AEBP2: variants seen among roughly 807,000 people sequenced by gnomAD.
AEBP2 encodes zinc finger protein AEBP2.
In AEBP2, 10 loss-of-function variants were observed where a neutral mutation model predicts 50.8. That is an observed-to-expected ratio of 0.20 (90% confidence interval 0.12 to 0.33). The LOEUF is 0.33. Among genes scored for constraint, AEBP2 ranks in the 10% least tolerant of loss-of-function variants. The pLI is 1.00. For synonymous variants in AEBP2, 296 were observed against 261.3 expected (o/e 1.13, Z -1.28); for missense variants, 570 against 688.0 (o/e 0.83, Z 1.92).
At chr12:19,414,544 T>TCTCA (rs1377950207) in intron 1 of AEBP2, among the ~76,000 whole-genome samples, 1 of 152,144 alleles carries the variant, frequency 6.6e-6, no homozygotes, top group Non-Finnish European at 1.5e-5. Flanking sequence ...GAGGCATCAC[T>TCTCA]CTCAACATGG....
Position 19,521,071 on chromosome 12 carries a change from A to T in AEBP2, c.*2954A>T, listed in dbSNP as rs553106103. 8 of 151,580 alleles carry T rather than the reference A, an allele frequency of 5.3e-5. No homozygotes were observed. The highest frequency in any genetic ancestry group is 1.9e-4 in the African/African-American group (8 of 41,432). The allele number at this position is 151,580 out of a possible 1,614,324, so 9.4% of individuals were successfully genotyped here. ...GTATATGCAGATACTCAAAAATCTG[A>T]AAAAAATCAAAAATCTGAAATACTT... On this transcript the variant is annotated 3_prime_UTR_variant, in exon 8 of 8. Coordinates refer to ENST00000266508, the MANE Select transcript of AEBP2 (RefSeq NM_153207.5).
chr12:19,482,985 G>T (rs1353286943), intron 3 of AEBP2, among the ~76,000 whole-genome samples: 3 of 152,118 alleles, frequency 2.0e-5, no homozygotes, highest in Non-Finnish European at 4.4e-5. Context: ...TGCTGAGAAA[G>T]CAAGGCCTTC....
chr12:19,499,022 A>T (rs1592771402), intron 4 of AEBP2, among the ~76,000 whole-genome samples: 1 of 152,184 alleles, frequency 6.6e-6, no homozygotes, highest in African/African-American at 2.4e-5. Context: ...TGTCTAAAAG[A>T]AAAAGAAAAA....
intron 1 of AEBP2, among the ~76,000 whole-genome samples, chr12:19,451,878 A>G (rs1014266461): frequency 6.6e-6 from 1 of 151,872 alleles, no homozygotes; most frequent in South Asian, 2.1e-4. Context: ...TAAAGTGGCC[A>G]TCTTTTGTTT....
intron 3 of AEBP2, among the ~76,000 whole-genome samples, chr12:19,485,159 T>G (rs1259426372): frequency 1.3e-5 from 2 of 152,220 alleles, no homozygotes; most frequent in Non-Finnish European, 2.9e-5. Flanking sequence ...TTGATGATGA[T>G]GTATATGCAG....
At chr12:19,420,119 G>A (rs1049120575) in intron 1 of AEBP2, among the ~76,000 whole-genome samples, 1 of 149,374 alleles carries the variant, frequency 6.7e-6, no homozygotes, top group Admixed American at 6.7e-5. Flanking sequence ...CGCCTCCCAG[G>A]TTCAAGGGAT....
chr12:19,456,430 C>T (rs185677855), intron 1 of AEBP2: 54 of 1,403,966 alleles, frequency 3.8e-5, no homozygotes, highest in African/African-American at 8.5e-5. Flanking sequence ...ACCATATCAA[C>T]GTTGGCAGCA....
chr12:19,493,992 TG>T lies in AEBP2; in HGVS notation c.1174+7del. ...CAAAAGACGACGCTCATTACGTAAGTGTTACACTGAGAAAATCTGGTGTATT... is the reference window on the plus strand; with the variant it reads ...CAAAAGACGACGCTCATTACGTAAGTTTACACTGAGAAAATCTGGTGTATT... On this transcript the variant is annotated splice_region_variant and intron_variant, in intron 4 of 7. Coordinates refer to ENST00000266508, the MANE Select transcript of AEBP2 (RefSeq NM_153207.5). 6.3e-7 allele frequency: 1 copy of T among 1,595,098 alleles called. No homozygotes were observed. Among genetic ancestry groups the T allele is most frequent in the Non-Finnish European group, 8.5e-7 (1 of 1,171,130 alleles).
In AEBP2 at chr12:19,520,057, T is replaced by C. The variant is rs1949376206; in HGVS notation, c.*1940T>C. The C allele has an allele frequency of 6.6e-6, 1 of 152,624 alleles. No homozygotes were observed. Among genetic ancestry groups the C allele is most frequent in the Non-Finnish European group, 1.5e-5 (1 of 68,012 alleles). The allele number at this position is 152,624 out of a possible 1,614,324, so 9.5% of individuals were successfully genotyped here. A position where few individuals can be genotyped will look rare whatever the true frequency, so the allele number is the denominator to read the frequency against. On this transcript the variant is annotated 3_prime_UTR_variant, in exon 8 of 8. Coordinates refer to ENST00000266508, the MANE Select transcript of AEBP2 (RefSeq NM_153207.5). The stretch of plus-strand genomic sequence containing the variant: ...AGTAATCTGCAATCTCTTTTGTTCT[T>C]TTTAAAATTTGATTTGTTATAAAAT...
rs189486934 is a variant in AEBP2 at position 19,494,679 on chromosome 12, C to G, written c.1174+693C>G. 5.3e-5 allele frequency among the ~76,000 whole-genome samples: 8 copies of G among 151,448 alleles called. No homozygotes were observed. In the East Asian group the frequency reaches 1.6e-3, roughly 29 times the overall value. ...ACAGGTGTGAGCCACCACACCCAGC[C>G]GATAGCAAAACAATTTGAATGTAAT... On this transcript the variant is annotated intron_variant, in intron 4 of 7. Coordinates refer to ENST00000266508, the MANE Select transcript of AEBP2 (RefSeq NM_153207.5).
At chr12:19,423,064 C>CAAA (rs751550689) in intron 1 of AEBP2, among the ~76,000 whole-genome samples, 3,960 of 35,058 alleles carry the variant, frequency 0.11, 1,387 homozygotes, top group African/African-American at 0.17. Flanking sequence ...GACTCTGTCT[C>CAAA]AAAAAAAAAA....
At chr12:19,491,159 G>A (rs1025709273) in intron 3 of AEBP2, among the ~76,000 whole-genome samples, 1 of 152,144 alleles carries the variant, frequency 6.6e-6, no homozygotes, top group Non-Finnish European at 1.5e-5. Context: ...AGAGATGGCA[G>A]CTTTAAAAAG....
intron 1 of AEBP2, chr12:19,456,799 T>C: frequency 6.4e-7 from 1 of 1,567,106 alleles, no homozygotes; most frequent in Non-Finnish European, 8.8e-7. Context: ...GGAGCAAAGG[T>C]GACCACCATA....
At chr12:19,441,504 A>T (rs1297626707) in intron 1 of AEBP2, among the ~76,000 whole-genome samples, 1 of 152,318 alleles carries the variant, frequency 6.6e-6, no homozygotes, top group East Asian at 1.9e-4. Context: ...TTAGTGGTCG[A>T]TAGTGATTTT....
chr12:19,443,239 G>A lies in AEBP2; in HGVS notation c.671+2869G>A, dbSNP rs533423410. Among the ~76,000 whole-genome samples, 119 of 151,864 alleles carry A rather than the reference G, an allele frequency of 7.8e-4. No homozygotes were observed. In the South Asian group the frequency reaches 1.0e-2, roughly 13 times the overall value. On this transcript the variant is annotated intron_variant, in intron 1 of 7. Coordinates refer to ENST00000266508, the MANE Select transcript of AEBP2 (RefSeq NM_153207.5). ...AGCCTCCTGAGTAACTGGGATTACA[G>A]GTGAGTGCCACCACCCCTGGCTAAT...
In AEBP2 at chr12:19,416,314, T is replaced by A. The variant is rs540465873; in HGVS notation, c.-17+12098T>A. On this transcript the variant is annotated intron_variant, in intron 1 of 3. Coordinates refer to the AEBP2 transcript ENST00000538425. Reference sequence around the variant, plus strand: ...AATAATAGGATTTGCATATAATTGGTATTCAATATTGCTCATTACTTCCAT... The same window carrying A: ...AATAATAGGATTTGCATATAATTGGAATTCAATATTGCTCATTACTTCCAT... Among the ~76,000 whole-genome samples, 13 of 152,352 alleles carry A rather than the reference T, an allele frequency of 8.5e-5. No homozygotes were observed. In the South Asian group the frequency reaches 2.7e-3, roughly 32 times the overall value.
chr12:19,487,480 G>T (rs1167050351), intron 3 of AEBP2, among the ~76,000 whole-genome samples: 1 of 152,196 alleles, frequency 6.6e-6, no homozygotes, highest in Non-Finnish European at 1.5e-5. Flanking sequence ...CACTTTGGGA[G>T]GCCAAGGCGG....
At chr12:19,515,702 C>G (rs537998651) in intron 7 of AEBP2, among the ~76,000 whole-genome samples, 2 of 152,194 alleles carry the variant, frequency 1.3e-5, no homozygotes, top group South Asian at 4.1e-4. Flanking sequence ...TTTTGGAGTG[C>G]TATTCACCTG....
At chr12:19,451,979 C>T (rs1164476774) in intron 1 of AEBP2, among the ~76,000 whole-genome samples, 3 of 152,170 alleles carry the variant, frequency 2.0e-5, no homozygotes, top group Admixed American at 6.5e-5. Context: ...GCACCTCTGC[C>T]TCTCGGGTTT....
Sources: gnomAD v4.1 joint callset for allele counts (sites outside exome capture counted in the v4.1 genomes callset) on GRCh38, gnomAD v4.1.1 for gene constraint, MANE v1.5 for transcripts, NCBI Gene and HGNC (gene_info 2026-07-23, HGNC 2026-07-21) for gene names.